ACER3: variants seen among roughly 807,000 people sequenced by gnomAD.
ACER3 encodes alkCDase 3.
A neutral mutation model predicts 48.9 loss-of-function variants in ACER3; 16 were observed. The ratio of observed to expected loss-of-function variants is 0.33; its 90% CI spans 0.22 to 0.50. The LOEUF is 0.50. ACER3 is among the 20% of genes least tolerant of loss of function. The pLI is 0.98. For missense variants in ACER3, 227 were observed against 326.0 expected (o/e 0.70, Z 2.34); for synonymous variants, 109 against 107.8 (o/e 1.01, Z -0.07).
At chr11:77,010,139 C>T (rs1949231509) in intron 7 of ACER3, among the ~76,000 whole-genome samples, 1 of 150,078 alleles carries the variant, frequency 6.7e-6, no homozygotes, top group Non-Finnish European at 1.5e-5. Flanking sequence ...GAAATGTATT[C>T]TTGTGAGACC....
intron 1 of ACER3, among the ~76,000 whole-genome samples, chr11:76,869,402 A>T (rs1485701817): frequency 6.6e-6 from 1 of 152,272 alleles, no homozygotes; most frequent in Non-Finnish European, 1.5e-5. Flanking sequence ...AACTTAAAAC[A>T]TAGATAGGTT....
intron 1 of ACER3, among the ~76,000 whole-genome samples, chr11:76,879,968 GC>G (rs1306779884): frequency 2.8e-4 from 42 of 151,960 alleles, no homozygotes; most frequent in South Asian, 6.2e-4. Context: ...GAATATATTG[GC>G]ATAAAATTAT....
intron 4 of ACER3, among the ~76,000 whole-genome samples, chr11:76,976,691 C>G (rs1268813014): frequency 6.6e-6 from 1 of 152,200 alleles, no homozygotes; most frequent in African/African-American, 2.4e-5. Flanking sequence ...TATAGTTTAA[C>G]AAGACGCTTA....
chr11:76,956,465 G>C (rs188458761), intron 2 of ACER3, among the ~76,000 whole-genome samples: 1 of 152,062 alleles, frequency 6.6e-6, no homozygotes, highest in Non-Finnish European at 1.5e-5. Flanking sequence ...TTTTTTATGT[G>C]TTACCCAGAT....
intron 1 of ACER3, among the ~76,000 whole-genome samples, chr11:76,863,954 TA>T (rs1416247941): frequency 6.6e-6 from 1 of 152,202 alleles, no homozygotes; most frequent in East Asian, 1.9e-4. Flanking sequence ...TTTGCCCCTA[TA>T]TTCAAGAAAG....
chr11:76,876,588 G>T (rs1433626492), intron 1 of ACER3, among the ~76,000 whole-genome samples: 1 of 152,050 alleles, frequency 6.6e-6, no homozygotes, highest in Admixed American at 6.5e-5. Context: ...GGAATAATTG[G>T]GTCATAGAGT....
At chr11:76,988,150 A>G (rs1482838569) in intron 5 of ACER3, among the ~76,000 whole-genome samples, 1 of 152,168 alleles carries the variant, frequency 6.6e-6, no homozygotes, top group Non-Finnish European at 1.5e-5. Flanking sequence ...GAATATTGAG[A>G]GCTAATAGAA....
At chr11:76,973,373 G>A (rs796788850) in intron 3 of ACER3, among the ~76,000 whole-genome samples, 50 of 152,308 alleles carry the variant, frequency 3.3e-4, no homozygotes, top group African/African-American at 1.1e-3. Flanking sequence ...TGCTGGGACT[G>A]CTGCAGTAGC....
At chr11:76,985,510 T>C in intron 4 of ACER3, 133 bp from the exon 5 acceptor site, 1 of 587,100 alleles carries the variant, frequency 1.7e-6, no homozygotes, top group South Asian at 2.5e-5. Context: ...GCAGTGCAGG[T>C]TTTCTCTATG....
intron 1 of ACER3, among the ~76,000 whole-genome samples, chr11:76,918,064 G>C (rs562439376): frequency 6.6e-6 from 1 of 151,992 alleles, no homozygotes; most frequent in Non-Finnish European, 1.5e-5. Context: ...TCTTTTGCTA[G>C]TTGTTTACCT....
At chr11:77,006,770 C>G (rs1949159221) in intron 7 of ACER3, among the ~76,000 whole-genome samples, 1 of 151,680 alleles carries the variant, frequency 6.6e-6, no homozygotes. Flanking sequence ...TTTCCTAAGT[C>G]TTTAGTTTTC....
At chr11:77,018,713 A>G (rs938209341) in intron 9 of ACER3, among the ~76,000 whole-genome samples, 3 of 152,362 alleles carry the variant, frequency 2.0e-5, no homozygotes, top group African/African-American at 7.2e-5. Context: ...TGGATAAAAG[A>G]TCAGACCAAC....
chr11:76,931,407 G>C (rs1014166403), intron 2 of ACER3, among the ~76,000 whole-genome samples: 7 of 150,218 alleles, frequency 4.7e-5, no homozygotes, highest in Admixed American at 1.3e-4. Context: ...GATGGGTCTT[G>C]ACTCTTTATC....
chr11:76,997,042 G>A (rs10736812), intron 6 of ACER3, among the ~76,000 whole-genome samples: 108,112 of 152,084 alleles, frequency 0.71, 38,825 homozygotes, highest in Non-Finnish European at 0.77. Flanking sequence ...ACTGTTATAT[G>A]AAGTCCAGCT....
At chr11:76,920,958 A>T (rs1946673382) in intron 1 of ACER3, among the ~76,000 whole-genome samples, 1 of 152,124 alleles carries the variant, frequency 6.6e-6, no homozygotes, top group East Asian at 1.9e-4. Flanking sequence ...TTTTTTACCC[A>T]AAGTTTTAAG....
chr11:76,875,107 CTTTTTTTTTTTTTT>C (rs10676364), intron 1 of ACER3, among the ~76,000 whole-genome samples: 1 of 78,096 alleles, frequency 1.3e-5, no homozygotes, highest in African/African-American at 3.6e-5. Flanking sequence ...AAAAGCACTT[CTTTTTTTTTTTTTT>C]TTTTTTTTTT....
At chr11:76,982,442 C>A (rs1439747724) in intron 4 of ACER3, among the ~76,000 whole-genome samples, 3 of 152,118 alleles carry the variant, frequency 2.0e-5, no homozygotes, top group Non-Finnish European at 2.9e-5. Flanking sequence ...GTCTCGATCT[C>A]TTGACCTTGT....
chr11:76,878,642 A>G (rs1214176603), intron 1 of ACER3, among the ~76,000 whole-genome samples: 2 of 152,238 alleles, frequency 1.3e-5, no homozygotes, highest in African/African-American at 2.4e-5. Context: ...ACATTCTTAT[A>G]CAAGTCTTTT....
At chr11:76,875,134 A>G (rs1282702685) in intron 1 of ACER3, among the ~76,000 whole-genome samples, 1 of 22,124 alleles carries the variant, frequency 4.5e-5, no homozygotes, top group East Asian at 1.5e-3. Flanking sequence ...TTTTTTTTTT[A>G]GATGGAATCT....
Sources: allele counts gnomAD v4.1 joint callset (sites outside exome capture counted in the v4.1 genomes callset), GRCh38; gene constraint gnomAD v4.1.1; transcripts MANE v1.5; gene names NCBI Gene and HGNC (gene_info 2026-07-23, HGNC 2026-07-21).